TDRD12: variants seen among roughly 807,000 people sequenced by gnomAD.
The protein encoded by TDRD12 is tudor domain containing 12.
TDRD12 carries 158 observed loss-of-function variants against 133.5 expected under a neutral mutation model. The ratio of observed to expected loss-of-function variants is 1.18; its 90% CI spans 1.04 to 1.35. TDRD12 has a LOEUF of 1.35. Among genes scored for constraint, TDRD12 ranks in the 40% most tolerant of loss-of-function variants. The pLI is 0.00. For missense variants in TDRD12, 1,443 were observed against 1,321.3 expected (o/e 1.09, Z -1.43); for synonymous variants, 460 against 477.9 (o/e 0.96, Z 0.49).
chr19:32,749,317 G>C (rs1234308339), intron 5 of TDRD12, among the ~76,000 whole-genome samples: 7 of 150,504 alleles, frequency 4.7e-5, no homozygotes, highest in Non-Finnish European at 1.0e-4. Flanking sequence ...TCTGAGCCTG[G>C]TCTCCTCACC....
In TDRD12 at chr19:32,773,457, G is replaced by A. The variant is rs549119218; in HGVS notation, c.965G>A (p.Arg322His). The change falls in exon 10 of 28, where the codon CGT becomes CAT. Residue 322 changes from arginine (R) to histidine (H), a missense_variant and splice_region_variant. Physicochemically the swap from Arg to His is conservative, Grantham distance 29. Coordinates refer to ENST00000444215, the Ensembl canonical transcript of TDRD12. ...CTGAAGAAAAGTTTTCTTTTACAGC[G>A]TGTTGAATCCTCAGTGTACTGGCCA... 110 of 1,551,584 alleles carry A rather than the reference G, an allele frequency of 7.1e-5. 2 individuals are homozygous for A. Among genetic ancestry groups the A allele is most frequent in the South Asian group, 2.7e-4 (23 of 84,060 alleles).
chr19:32,782,568 T>C (rs1217854870), intron 11 of TDRD12, among the ~76,000 whole-genome samples: 1 of 152,236 alleles, frequency 6.6e-6, no homozygotes, highest in African/African-American at 2.4e-5. Context: ...GTTGAACTAA[T>C]TTACATTCCC....
chr19:32,775,901 T>C (rs920367584), intron 10 of TDRD12, among the ~76,000 whole-genome samples: 1 of 152,088 alleles, frequency 6.6e-6, no homozygotes, highest in Non-Finnish European at 1.5e-5. Flanking sequence ...GAGATTCTGG[T>C]TTCTGTTAAC....
chr19:32,726,130 G>T (rs1968851894), intron 1 of TDRD12, among the ~76,000 whole-genome samples: 1 of 151,628 alleles, frequency 6.6e-6, no homozygotes. Context: ...GCCCAGGCCG[G>T]AATGCAGTGG....
rs112225600 is a variant in TDRD12 at position 32,791,821 on chromosome 19, C to T, written c.1287+753C>T. Among the ~76,000 whole-genome samples, 27 of 152,142 alleles carry T rather than the reference C, an allele frequency of 1.8e-4. 1 individual carries two copies. Among genetic ancestry groups the T allele is most frequent in the African/African-American group, 6.5e-4 (27 of 41,514 alleles). ...AGGGCCTGCTTGCCTCCCTGCCTTTCTGCAGTGAGGTGACACTCATGTGAT... is the reference window on the plus strand; with the variant it reads ...AGGGCCTGCTTGCCTCCCTGCCTTTTTGCAGTGAGGTGACACTCATGTGAT... On this transcript the variant is annotated intron_variant, in intron 13 of 27. Coordinates refer to ENST00000444215, the Ensembl canonical transcript of TDRD12.
chr19:32,825,435 T>G (rs887262036), downstream of TDRD12, among the ~76,000 whole-genome samples: 24 of 152,332 alleles, frequency 1.6e-4, no homozygotes, highest in African/African-American at 5.5e-4. The surrounding 1 kb of genome is among the most constrained non-coding windows in gnomAD (Gnocchi z 4.1). Flanking sequence ...CTGGCCGCTG[T>G]CCTTAGGGCA....
Position 32,811,435 on chromosome 19 carries a change from C to T in TDRD12, c.3048+15C>T. On this transcript the variant is annotated intron_variant, in intron 24 of 27. Coordinates refer to ENST00000444215, the Ensembl canonical transcript of TDRD12. ...GGAATCCGAAGGTGGGTGATTTTGG[C>T]TTTTTATCTATTGTTGACTTTTAGA... 6 of 1,532,010 alleles carry T rather than the reference C, an allele frequency of 3.9e-6. No homozygotes were observed. The highest frequency in any genetic ancestry group is 5.2e-6 in the Non-Finnish European group (6 of 1,143,308). 94.9% of individuals were successfully genotyped at this position (1,532,010 alleles called of 1,614,324 possible). A position where few individuals can be genotyped will look rare whatever the true frequency, so the allele number is the denominator to read the frequency against.
At chr19:32,795,349 AAAAG>A (rs929423132) in intron 14 of TDRD12, among the ~76,000 whole-genome samples, 11 of 152,022 alleles carry the variant, frequency 7.2e-5, no homozygotes, top group South Asian at 2.1e-4. Flanking sequence ...AAAAAAAAAA[AAAAG>A]AAAGAAAAAG....
At chr19:32,731,680 T>C (rs1969059177) in intron 1 of TDRD12, 45 bp from the exon 2 acceptor site, 2 of 1,461,246 alleles carry the variant, frequency 1.4e-6, no homozygotes, top group Non-Finnish European at 1.8e-6. Flanking sequence ...GTGGTACTAC[T>C]TTTAAATCAT....
chr19:32,812,352 T>TC (rs140439551), intron 24 of TDRD12, among the ~76,000 whole-genome samples: 2,858 of 152,320 alleles, frequency 0.019, 66 homozygotes, highest in South Asian at 0.1. Flanking sequence ...GCTCCAGTTC[T>TC]CCAAGGAAAG....
At chr19:32,757,262 T>C (rs1970023224) in intron 8 of TDRD12, 132 bp downstream of exon 8, 1 of 731,524 alleles carries the variant, frequency 1.4e-6, no homozygotes, top group African/African-American at 1.8e-5. Flanking sequence ...GTAACCAATT[T>C]GTGATGTAGA....
At chr19:32,735,423 C>T (rs1969194812) in intron 2 of TDRD12, among the ~76,000 whole-genome samples, 1 of 152,146 alleles carries the variant, frequency 6.6e-6, no homozygotes, top group South Asian at 2.1e-4. Context: ...TGTATAAAGG[C>T]TGAGCAAGGT....
At chr19:32,790,992 C>T (rs1189024581) in exon 13 of TDRD12, 22 of 1,535,958 alleles carry the variant, frequency 1.4e-5, no homozygotes, top group Admixed American at 3.9e-5. Flanking sequence ...CTGCAGCCGC[C>T]CGTGGTAGTG....
chr19:32,802,966 G>A, exon 21 of TDRD12: 1 of 1,536,038 alleles, frequency 6.5e-7, no homozygotes, highest in East Asian at 2.4e-5. Flanking sequence ...AATCTGTCTT[G>A]CTGCTGACGG....
chr19:32,757,011 A>G, intron 7 of TDRD12, 27 bp from the exon 8 acceptor site: 1 of 1,528,698 alleles, frequency 6.5e-7, no homozygotes, highest in Non-Finnish European at 8.9e-7. Context: ...TTCATGCTTT[A>G]ATTCTGAAAT....
At chr19:32,758,422 T>TAG (rs1419040399) in intron 8 of TDRD12, among the ~76,000 whole-genome samples, 1 of 152,044 alleles carries the variant, frequency 6.6e-6, no homozygotes, top group Admixed American at 6.6e-5. Context: ...AAGTGAAAGG[T>TAG]AGACATCAAT....
At chr19:32,819,981 C>T (rs1279249275) in intron 27 of TDRD12, among the ~76,000 whole-genome samples, 1 of 152,124 alleles carries the variant, frequency 6.6e-6, no homozygotes, top group Non-Finnish European at 1.5e-5. Context: ...CTCAGGAAAG[C>T]AGCTGGGGAA....
intron 11 of TDRD12, among the ~76,000 whole-genome samples, chr19:32,779,166 C>A (rs527319198): frequency 1.3e-5 from 2 of 152,122 alleles, no homozygotes; most frequent in South Asian, 4.2e-4. Context: ...GTCAGAGACC[C>A]GCATTGCCGC....
intron 8 of TDRD12, among the ~76,000 whole-genome samples, chr19:32,768,808 A>G (rs1195329114): frequency 6.6e-6 from 1 of 152,106 alleles, no homozygotes; most frequent in Non-Finnish European, 1.5e-5. Context: ...CAATTTCCTC[A>G]TTACTTATGA....
Sources: gnomAD v4.1 joint callset for allele counts (sites outside exome capture counted in the v4.1 genomes callset) on GRCh38, gnomAD v4.1.1 for gene constraint, Gnocchi (gnomAD v3.1) non-coding constraint, MANE v1.5 for transcripts, NCBI Gene and HGNC (gene_info 2026-07-23, HGNC 2026-07-21) for gene names.